CNTN4: variants seen among roughly 807,000 people sequenced by gnomAD.
The protein encoded by CNTN4 is contactin-4.
In CNTN4, 77 loss-of-function variants were observed where a neutral mutation model predicts 122.5. The ratio of observed to expected loss-of-function variants is 0.63; its 90% CI spans 0.52 to 0.76. CNTN4 has a LOEUF of 0.76. CNTN4 is among the 30% of genes least tolerant of loss of function. CNTN4 has a pLI of 0.00. For missense variants in CNTN4, 1,256 were observed against 1,259.1 expected (o/e 1.00, Z 0.04); for synonymous variants, 512 against 447.0 (o/e 1.15, Z -1.83).
chr3:2,482,025 G>A (rs537486806), intron 3 of CNTN4, among the ~76,000 whole-genome samples: 1 of 152,318 alleles, frequency 6.6e-6, no homozygotes, highest in East Asian at 1.9e-4. Flanking sequence ...GTGGGGTGCT[G>A]CTATAAAGAT....
intron 4 of CNTN4, among the ~76,000 whole-genome samples, chr3:2,635,993 C>T (rs2082642717): frequency 6.6e-6 from 1 of 152,112 alleles, no homozygotes; most frequent in African/African-American, 2.4e-5. Context: ...TCCTGTTTTC[C>T]CACATAAGGT....
At chr3:3,053,702 C>A in intron 23 of CNTN4, 105 bp from the exon 24 acceptor site, 1 of 1,147,728 alleles carries the variant, frequency 8.7e-7, no homozygotes, top group Non-Finnish European at 1.3e-6. Flanking sequence ...ACAACCTCTA[C>A]ATCCCTGCAT....
chr3:2,577,281 G>C (rs2079734780), intron 4 of CNTN4, among the ~76,000 whole-genome samples: 2 of 152,174 alleles, frequency 1.3e-5, no homozygotes, highest in African/African-American at 4.8e-5. Flanking sequence ...TAGAAAGAAA[G>C]CAGGTGGGAA....
chr3:2,708,259 T>C (rs2149315313), intron 4 of CNTN4, among the ~76,000 whole-genome samples: 1 of 152,302 alleles, frequency 6.6e-6, no homozygotes, highest in East Asian at 1.9e-4. Context: ...GAAAAACTAA[T>C]GATGACAAGA....
intron 2 of CNTN4, among the ~76,000 whole-genome samples, chr3:2,102,384 C>T (rs75953165): frequency 6.6e-6 from 1 of 152,110 alleles, no homozygotes; most frequent in Non-Finnish European, 1.5e-5. Flanking sequence ...ATCTATTTCA[C>T]GGCATCACGA....
intron 13 of CNTN4, among the ~76,000 whole-genome samples, chr3:2,954,437 G>A (rs929588515): frequency 1.3e-5 from 2 of 151,874 alleles, no homozygotes; most frequent in African/African-American, 4.8e-5. Flanking sequence ...TGTGTCAAAT[G>A]TCTTGCCATC....
chr3:2,649,646 T>C (rs1249689890), intron 4 of CNTN4, among the ~76,000 whole-genome samples: 1 of 152,198 alleles, frequency 6.6e-6, no homozygotes, highest in Non-Finnish European at 1.5e-5. Flanking sequence ...AGATGTATAT[T>C]GTTACCCTTC....
intron 2 of CNTN4, among the ~76,000 whole-genome samples, chr3:2,197,981 C>T (rs1207520190): frequency 6.6e-6 from 1 of 150,784 alleles, no homozygotes; most frequent in Non-Finnish European, 1.5e-5. Context: ...CACCACTGCA[C>T]TCCCACCTGG....
intron 4 of CNTN4, among the ~76,000 whole-genome samples, chr3:2,672,898 C>G (rs897426777): frequency 1.3e-5 from 2 of 152,144 alleles, no homozygotes; most frequent in Non-Finnish European, 2.9e-5. Flanking sequence ...AAGAATCTGT[C>G]CTTGCCCAGT....
intron 1 of CNTN4, chr3:2,099,248 A>T (rs1235987624): frequency 6.6e-6 from 1 of 152,358 alleles, no homozygotes; most frequent in African/African-American, 2.4e-5. Flanking sequence ...CCGTCACCCC[A>T]CAGCGACCCT....
At chr3:2,597,056 A>C (rs2149707376) in intron 4 of CNTN4, among the ~76,000 whole-genome samples, 1 of 152,302 alleles carries the variant, frequency 6.6e-6, no homozygotes, top group Admixed American at 6.5e-5. Context: ...AAATACCATA[A>C]GCTTTGTAGT....
At chr3:2,430,277 C>T (rs1261774102) in intron 3 of CNTN4, among the ~76,000 whole-genome samples, 1 of 151,820 alleles carries the variant, frequency 6.6e-6, no homozygotes, top group Admixed American at 6.6e-5. Flanking sequence ...AAAAAATTAG[C>T]CGGGCGTGGT....
chr3:2,974,974 A>G (rs1200227028), intron 13 of CNTN4, among the ~76,000 whole-genome samples: 2 of 152,308 alleles, frequency 1.3e-5, no homozygotes, highest in Non-Finnish European at 1.5e-5. Flanking sequence ...TTACTAAATT[A>G]TATATTCTGT....
At chr3:2,530,876 G>A (rs914249408) in intron 3 of CNTN4, among the ~76,000 whole-genome samples, 4 of 152,094 alleles carry the variant, frequency 2.6e-5, no homozygotes, top group Non-Finnish European at 5.9e-5. Flanking sequence ...TAAATTTCAG[G>A]AAAAAGAGGA....
intron 12 of CNTN4, among the ~76,000 whole-genome samples, chr3:2,907,950 G>T (rs1430804875): frequency 6.6e-6 from 1 of 152,208 alleles, no homozygotes; most frequent in Non-Finnish European, 1.5e-5. Flanking sequence ...TCAAATGGAA[G>T]TGTCCTTGTC....
chr3:2,650,470 A>G (rs1029164883), intron 4 of CNTN4, among the ~76,000 whole-genome samples: 1 of 152,194 alleles, frequency 6.6e-6, no homozygotes, highest in Non-Finnish European at 1.5e-5. Context: ...GCAGTGGTGG[A>G]GTTTGAGAGG....
At chr3:2,816,884 C>A (rs2092747070) in intron 6 of CNTN4, among the ~76,000 whole-genome samples, 1 of 143,926 alleles carries the variant, frequency 6.9e-6, no homozygotes. Flanking sequence ...ATCCCAATAA[C>A]TGAAGGAAAA....
chr3:2,119,909 AG>A (rs1331745102), intron 2 of CNTN4, among the ~76,000 whole-genome samples: 1 of 152,160 alleles, frequency 6.6e-6, no homozygotes, highest in Non-Finnish European at 1.5e-5. Flanking sequence ...GAAGGAGAAA[AG>A]GAAAGTGCTG....
chr3:2,193,268 G>A (rs1016479785), intron 2 of CNTN4, among the ~76,000 whole-genome samples: 1 of 151,764 alleles, frequency 6.6e-6, no homozygotes, highest in South Asian at 2.1e-4. Context: ...ATTGTCATTT[G>A]TGGACTGATC....
Sources: allele counts gnomAD v4.1 joint callset (sites outside exome capture counted in the v4.1 genomes callset), GRCh38; gene constraint gnomAD v4.1.1; transcripts MANE v1.5; gene names NCBI Gene and HGNC (gene_info 2026-07-23, HGNC 2026-07-21).